Variants in SDK1 observed in about 807,000 individuals in gnomAD.
SDK1 encodes sidekick cell adhesion molecule 1, also known as protein sidekick-1.
SDK1 carries 157 observed loss-of-function variants against 245.5 expected under a neutral mutation model. That is an observed-to-expected ratio of 0.64 (90% CI 0.56 to 0.73). The LOEUF (loss-of-function observed/expected upper bound fraction) is 0.73, where lower values mean the gene tolerates loss of function less well. Ranked by LOEUF, SDK1 falls within the 30% of genes least tolerant of loss-of-function variation. The pLI is 0.00. For missense variants in SDK1, 3,583 were observed against 3,002.3 expected (o/e 1.19, Z -4.52); for synonymous variants, 1,647 against 1,278.5 (o/e 1.29, Z -6.15).
In SDK1 at chr7:4,128,672, G is replaced by A. The variant is rs530483953; in HGVS notation, c.3939+1176G>A. 4.2e-5 allele frequency among the ~76,000 whole-genome samples: 6 copies of A among 143,124 alleles called. No individual in the cohort carries two copies. The East Asian group carries it at 1.4e-3, about 33-fold the overall frequency. 93.9% of individuals were successfully genotyped at this position (143,124 alleles called of 152,430 possible). A position where few individuals can be genotyped will look rare whatever the true frequency, so the allele number is the denominator to read the frequency against. On this transcript the variant is annotated intron_variant, in intron 26 of 44. Transcript: ENST00000404826. Reference sequence around the variant, plus strand: ...AGAGCAGCTTGGGGTGGGGTGCCCTGGAATAGAGCAGCTTGGGGTGGGGTG... The same window carrying A: ...AGAGCAGCTTGGGGTGGGGTGCCCTAGAATAGAGCAGCTTGGGGTGGGGTG...
intron 4 of SDK1, among the ~76,000 whole-genome samples, chr7:3,768,788 C>A (rs570814803): frequency 5.3e-5 from 8 of 152,312 alleles, no homozygotes; most frequent in African/African-American, 1.9e-4. Context: ...CACGTGTATT[C>A]CTCTGAAGTC....
chr7:4,136,333 A>G (rs953662930), intron 28 of SDK1, among the ~76,000 whole-genome samples: 2 of 152,214 alleles, frequency 1.3e-5, no homozygotes, highest in Non-Finnish European at 2.9e-5. Context: ...ATGGGTGTTC[A>G]CAGGGGAGAA....
chr7:3,504,454 T>A (rs927510739), intron 1 of SDK1, among the ~76,000 whole-genome samples: 6 of 152,048 alleles, frequency 3.9e-5, no homozygotes, highest in Non-Finnish European at 8.8e-5. Flanking sequence ...GGTACTGGCA[T>A]AAAGAAAGAC....
chr7:3,504,045 G>C (rs1040702298), intron 1 of SDK1, among the ~76,000 whole-genome samples: 1 of 151,788 alleles, frequency 6.6e-6, no homozygotes, highest in Non-Finnish European at 1.5e-5. Flanking sequence ...AGCTACTCGG[G>C]AGGCTGAGGC....
intron 25 of SDK1, among the ~76,000 whole-genome samples, chr7:4,121,848 G>GT (rs1374543264): frequency 6.6e-6 from 1 of 152,092 alleles, no homozygotes; most frequent in Non-Finnish European, 1.5e-5. Flanking sequence ...GTATTTTTTA[G>GT]TTTCTAATTG....
chr7:3,854,274 C>T (rs188749525), intron 5 of SDK1, among the ~76,000 whole-genome samples: 1 of 152,242 alleles, frequency 6.6e-6, no homozygotes, highest in African/African-American at 2.4e-5. Context: ...AGTTTTGTGA[C>T]TGAGAGAAGA....
intron 4 of SDK1, among the ~76,000 whole-genome samples, chr7:3,758,913 G>A (rs1780015957): frequency 1.3e-5 from 2 of 152,088 alleles, no homozygotes; most frequent in Admixed American, 6.6e-5. Context: ...AAAAATAACC[G>A]TGAGTTTCTA....
chr7:3,701,799 G>A (rs1376877573), intron 4 of SDK1, among the ~76,000 whole-genome samples: 2 of 151,796 alleles, frequency 1.3e-5, no homozygotes, highest in African/African-American at 4.8e-5. Context: ...GAACAGAATG[G>A]GGAACATAGA....
intron 35 of SDK1, among the ~76,000 whole-genome samples, chr7:4,190,581 G>A (rs1490262743): frequency 2.0e-5 from 3 of 152,246 alleles, no homozygotes; most frequent in Admixed American, 6.5e-5. Context: ...GCAGAGTGGA[G>A]AGACTGTGGG....
intron 1 of SDK1, among the ~76,000 whole-genome samples, chr7:3,319,131 T>C (rs888304957): frequency 6.6e-6 from 1 of 152,128 alleles, no homozygotes; most frequent in Non-Finnish European, 1.5e-5. Context: ...ATGAATGATA[T>C]GCAGGGTGTG....
intron 5 of SDK1, among the ~76,000 whole-genome samples, chr7:3,896,769 C>T (rs1781619150): frequency 6.6e-6 from 1 of 152,180 alleles, no homozygotes; most frequent in African/African-American, 2.4e-5. Flanking sequence ...ATTCCTGTTA[C>T]TGTATCATGG....
At chr7:3,365,613 TATTAAA>T (rs1781067556) in intron 1 of SDK1, among the ~76,000 whole-genome samples, 2 of 152,236 alleles carry the variant, frequency 1.3e-5, no homozygotes, top group Non-Finnish European at 2.9e-5. Flanking sequence ...AAAATTGCTG[TATTAAA>T]ATTAAAACTA....
At chr7:3,454,862 G>T (rs1780624920) in intron 1 of SDK1, among the ~76,000 whole-genome samples, 1 of 152,178 alleles carries the variant, frequency 6.6e-6, no homozygotes, top group South Asian at 2.1e-4. Context: ...GTGTGTAATT[G>T]CTGGGTTGTA....
At chr7:4,134,389 C>G (rs934437253) in intron 28 of SDK1, among the ~76,000 whole-genome samples, 2 of 152,278 alleles carry the variant, frequency 1.3e-5, no homozygotes, top group African/African-American at 4.8e-5. Flanking sequence ...CTGGTGCCTG[C>G]GCAGTGAGCC....
At chr7:4,144,249 C>G (rs997345606) in intron 28 of SDK1, among the ~76,000 whole-genome samples, 7 of 152,150 alleles carry the variant, frequency 4.6e-5, no homozygotes, top group Non-Finnish European at 7.3e-5. Flanking sequence ...TTGCCAGAGA[C>G]CTGAGGCCAG....
intron 30 of SDK1, among the ~76,000 whole-genome samples, chr7:4,158,220 C>A (rs1301581515): frequency 1.3e-5 from 2 of 152,188 alleles, no homozygotes; most frequent in Non-Finnish European, 2.9e-5. Flanking sequence ...AGGCTTCTCC[C>A]AGGACAGGTC....
intron 5 of SDK1, among the ~76,000 whole-genome samples, chr7:3,882,271 C>T (rs943854503): frequency 6.6e-5 from 10 of 152,056 alleles, no homozygotes; most frequent in African/African-American, 2.4e-4. Flanking sequence ...GGGACACAGC[C>T]CAACCATATC....
rs114725270 is a variant in SDK1 at position 3,570,420 on chromosome 7, C to A, written c.299-48660C>A. On this transcript the variant is annotated intron_variant, in intron 1 of 44. Coordinates refer to ENST00000404826, the MANE Select transcript of SDK1 (RefSeq NM_152744.4). ...GTAATGCTTGCTTGCCCACTGCTCA[C>A]CTCCTGCTGTGCAGCTGGTTCCTAA... 5.1e-3 allele frequency among the ~76,000 whole-genome samples: 776 copies of A among 152,234 alleles called. 6 individuals are homozygous for A. Among genetic ancestry groups the A allele is most frequent in the African/African-American group, 0.017 (717 of 41,530 alleles).
chr7:3,541,195 A>G (rs1027408179), intron 1 of SDK1, among the ~76,000 whole-genome samples: 2 of 152,226 alleles, frequency 1.3e-5, no homozygotes, highest in African/African-American at 2.4e-5. Flanking sequence ...CTCATGGAGT[A>G]TGTTTTCATT....
Sources: allele counts gnomAD v4.1 joint callset (sites outside exome capture counted in the v4.1 genomes callset), GRCh38; gene constraint gnomAD v4.1.1; transcripts MANE v1.5; gene names NCBI Gene and HGNC (gene_info 2026-07-23, HGNC 2026-07-21).